ATP2B2: variants seen among roughly 807,000 people sequenced by gnomAD.
ATP2B2 encodes plasma membrane calcium-transporting ATPase 2.
A neutral mutation model predicts 120.0 loss-of-function variants in ATP2B2; 15 were observed. That is an observed-to-expected ratio of 0.12 (90% CI 0.08 to 0.19). The LOEUF is 0.19. Ranked by LOEUF, ATP2B2 falls within the 10% of genes least tolerant of loss-of-function variation. The pLI is 1.00. For synonymous variants in ATP2B2, 694 were observed against 700.3 expected, an observed-to-expected ratio of 0.99 and a Z score of 0.14; for missense variants, 1,045 against 1,719.8, an observed-to-expected ratio of 0.61 and a Z score of 6.94.
intron 16 of ATP2B2, among the ~76,000 whole-genome samples, chr3:10,348,403 T>G (rs1342460686): frequency 6.6e-6 from 1 of 152,200 alleles, no homozygotes; most frequent in Non-Finnish European, 1.5e-5. Flanking sequence ...AAAATGATGC[T>G]TCTACCCTCT....
At chr3:10,338,466 T>C in intron 21 of ATP2B2, 108 bp from the exon 22 acceptor site, 1 of 1,198,474 alleles carries the variant, frequency 8.3e-7, no homozygotes, top group Non-Finnish European at 1.2e-6. Context: ...CACCCAGGCA[T>C]GTGATCAATC....
chr3:10,651,483 C>A (rs904135252), intron 1 of ATP2B2, among the ~76,000 whole-genome samples: 1 of 152,214 alleles, frequency 6.6e-6, no homozygotes, highest in African/African-American at 2.4e-5. Context: ...TGCCTTTCAC[C>A]TTCCACCATG....
intron 9 of ATP2B2, 42 bp downstream of exon 9, chr3:10,379,201 G>C: frequency 6.2e-7 from 1 of 1,603,330 alleles, no homozygotes; most frequent in Non-Finnish European, 8.5e-7. Flanking sequence ...GGTGGGGAGG[G>C]GCCTCAGGGA....
At chr3:10,574,351 A>G (rs193044931) in intron 2 of ATP2B2, among the ~76,000 whole-genome samples, 23 of 152,328 alleles carry the variant, frequency 1.5e-4, no homozygotes, top group African/African-American at 5.5e-4. Flanking sequence ...GCCCCCACAC[A>G]GCAGTGGTGA....
rs188013219 is a variant in ATP2B2 at position 10,392,512 on chromosome 3, C to T, written c.782-4110G>A. Among the ~76,000 whole-genome samples the T allele has an allele frequency of 1.8e-3, 267 of 152,344 alleles. 1 individual carries two copies. The highest frequency in any genetic ancestry group is 6.8e-3 in the Middle Eastern group (2 of 294). ...CAATTAATGGCAGAGCAACAGACAT[C>T]CAAGTCAAAGCGCAGTGGGCTAAAC... is the stretch of plus-strand genomic sequence containing the variant. On this transcript the variant is annotated intron_variant, in intron 5 of 22. Coordinates refer to ENST00000360273, the MANE Select transcript of ATP2B2 (RefSeq NM_001001331.4).
intron 22 of ATP2B2, among the ~76,000 whole-genome samples, chr3:10,334,502 A>T (rs1454615556): frequency 6.6e-6 from 1 of 152,074 alleles, no homozygotes; most frequent in Non-Finnish European, 1.5e-5. Flanking sequence ...GGGGAGGAGG[A>T]TGGGACCGGT....
In ATP2B2 at chr3:10,377,148, G is replaced by C. The variant is rs138180053; in HGVS notation, c.1201+1104C>G. ...TGAGGACTTTGAAGGCCATGGGGTT[G>C]TTCTCATCGCTTCGTTCCCGGCCCT... On this transcript the variant is annotated intron_variant, in intron 10 of 22. Coordinates refer to ENST00000360273, the MANE Select transcript of ATP2B2 (RefSeq NM_001001331.4). Among the ~76,000 whole-genome samples the C allele has an allele frequency of 4.0e-4, 61 of 152,294 alleles. No homozygotes were observed. The East Asian group carries it at 0.011, about 28-fold the overall frequency.
At chr3:10,484,843 G>A (rs2065574822) in intron 1 of ATP2B2, among the ~76,000 whole-genome samples, 1 of 152,234 alleles carries the variant, frequency 6.6e-6, no homozygotes, top group South Asian at 2.1e-4. Context: ...GTCCTACTTA[G>A]TTCTGCATCT....
intron 2 of ATP2B2, among the ~76,000 whole-genome samples, chr3:10,573,419 C>T (rs1239703617): frequency 6.6e-6 from 1 of 152,178 alleles, no homozygotes; most frequent in Non-Finnish European, 1.5e-5. Flanking sequence ...GGCACCCCAC[C>T]TCTACTTCCT....
chr3:10,468,824 A>C (rs975010706), intron 1 of ATP2B2, among the ~76,000 whole-genome samples: 1 of 152,228 alleles, frequency 6.6e-6, no homozygotes, highest in Non-Finnish European at 1.5e-5. Context: ...CATTTAAGTC[A>C]GCCTGACGTA....
At chr3:10,598,597 C>T (rs532978469) in intron 2 of ATP2B2, among the ~76,000 whole-genome samples, 128 of 152,340 alleles carry the variant, frequency 8.4e-4, no homozygotes, top group African/African-American at 1.6e-3. Context: ...ACTTCCTCCA[C>T]AACTTACTCT....
At chr3:10,444,235 C>G (rs2063762213) in intron 2 of ATP2B2, among the ~76,000 whole-genome samples, 2 of 152,178 alleles carry the variant, frequency 1.3e-5, no homozygotes, top group South Asian at 4.1e-4. Flanking sequence ...ATGACCCTGC[C>G]CAGGCTTCCG....
chr3:10,372,774 A>C (rs1437685826), intron 11 of ATP2B2, among the ~76,000 whole-genome samples: 1 of 152,180 alleles, frequency 6.6e-6, no homozygotes, highest in Non-Finnish European at 1.5e-5. Context: ...ATTCCTATAC[A>C]CAATATTTTC....
intron 1 of ATP2B2, among the ~76,000 whole-genome samples, chr3:10,501,428 T>C (rs1160790282): frequency 6.7e-6 from 1 of 149,854 alleles, no homozygotes; most frequent in Non-Finnish European, 1.5e-5. Context: ...TGGAGTGCAG[T>C]GGCACAATCA....
intron 1 of ATP2B2, among the ~76,000 whole-genome samples, chr3:10,497,906 G>A (rs749294944): frequency 1.1e-4 from 17 of 152,228 alleles, no homozygotes; most frequent in Non-Finnish European, 1.8e-4. Context: ...GGGACTCACC[G>A]CAACTGAGCT....
Position 10,672,982 on chromosome 3 carries a change from C to T in ATP2B2, c.-460+34933G>A, listed in dbSNP as rs116949217. Among the ~76,000 whole-genome samples the T allele has an allele frequency of 5.1e-4, 78 of 152,298 alleles. No homozygotes were observed. The East Asian group carries it at 0.014, about 27-fold the overall frequency. Reference sequence around the variant, plus strand: ...CACCCAGAAACTGCACTGGGTGTGGCTCAGCTCCTGCCTCTGCCAGAGGTT... The same window carrying T: ...CACCCAGAAACTGCACTGGGTGTGGTTCAGCTCCTGCCTCTGCCAGAGGTT... On this transcript the variant is annotated intron_variant, in intron 1 of 21. Transcript: ENST00000646379.
chr3:10,476,331 C>G (rs932185063), intron 1 of ATP2B2, among the ~76,000 whole-genome samples: 1 of 152,226 alleles, frequency 6.6e-6, no homozygotes, highest in African/African-American at 2.4e-5. Context: ...ACTAGCTTCT[C>G]AAAGGAATCC....
chr3:10,428,866 G>T (rs1302924777), intron 2 of ATP2B2, among the ~76,000 whole-genome samples: 1 of 152,192 alleles, frequency 6.6e-6, no homozygotes, highest in East Asian at 1.9e-4. Flanking sequence ...CAGCCTCACC[G>T]GGCCAGCTGT....
rs1410182798 is a variant in ATP2B2 at position 10,334,189 on chromosome 3, G to T, written c.3420+3987C>A. Among the ~76,000 whole-genome samples, 3 of 152,196 alleles carry T rather than the reference G, an allele frequency of 2.0e-5. No individual in the cohort carries two copies. The East Asian group carries it at 5.8e-4, about 29-fold the overall frequency. ...AGCGATGTCAGGTGTGCTCCGTCGT[G>T]GCCAGGGTGAAGTGCTGCCCTTCAA... On this transcript the variant is annotated intron_variant, in intron 22 of 22. Coordinates refer to ENST00000360273, the MANE Select transcript of ATP2B2 (RefSeq NM_001001331.4).
Sources: allele counts gnomAD v4.1 joint callset (sites outside exome capture counted in the v4.1 genomes callset), GRCh38; gene constraint gnomAD v4.1.1; transcripts MANE v1.5; gene names NCBI Gene and HGNC (gene_info 2026-07-23, HGNC 2026-07-21).